The following THRB variants were observed in gnomAD, a reference collection of about 807,000 sequenced individuals.
The protein encoded by THRB is nuclear receptor subfamily 1 group A member 2.
Under a neutral mutation model 47.8 loss-of-function variants are expected in THRB, and 12 were observed. The ratio of observed to expected loss-of-function variants is 0.25; its 90% CI spans 0.16 to 0.41. THRB has a LOEUF of 0.41. Among genes scored for constraint, THRB ranks in the 10% least tolerant of loss-of-function variants. THRB has a pLI of 1.00. For synonymous variants in THRB, 218 were observed against 212.2 expected (o/e 1.03, Z -0.24); for missense variants, 348 against 589.2 (o/e 0.59, Z 4.24).
At chr3:24,289,827 A>G (rs561677560) in intron 3 of THRB, among the ~76,000 whole-genome samples, 61 of 152,322 alleles carry the variant, frequency 4.0e-4, no homozygotes, top group African/African-American at 1.3e-3. Flanking sequence ...AAAATTCATT[A>G]TATCTATATG....
chr3:24,183,662 G>T (rs113816522), intron 5 of THRB, among the ~76,000 whole-genome samples: 3,300 of 149,256 alleles, frequency 0.022, 77 homozygotes, highest in African/African-American at 0.057. Flanking sequence ...TGTGAGCGAC[G>T]GCGCCTGGCC....
At chr3:24,337,625 G>C (rs2062344864) in intron 1 of THRB, among the ~76,000 whole-genome samples, 1 of 152,190 alleles carries the variant, frequency 6.6e-6, no homozygotes, top group African/African-American at 2.4e-5. Context: ...GTGAATCTCA[G>C]AGATGTACAT....
chr3:24,259,526 G>A (rs1203305745), intron 3 of THRB, among the ~76,000 whole-genome samples: 1 of 149,984 alleles, frequency 6.7e-6, no homozygotes, highest in Non-Finnish European at 1.5e-5. Flanking sequence ...TGAAGGGTCA[G>A]AAAGAATTCA....
At chr3:24,435,718 C>T (rs1461032339) in intron 1 of THRB, among the ~76,000 whole-genome samples, 1 of 152,172 alleles carries the variant, frequency 6.6e-6, no homozygotes, top group African/African-American at 2.4e-5. Flanking sequence ...CCAAATCAGT[C>T]CCCAAAGTAT....
At chr3:24,346,733 G>A (rs982686749) in intron 1 of THRB, among the ~76,000 whole-genome samples, 9 of 152,024 alleles carry the variant, frequency 5.9e-5, no homozygotes, top group South Asian at 2.1e-4. Flanking sequence ...AGATATGAGC[G>A]CTAAATCTGA....
chr3:24,164,179 C>A (rs910038447), intron 5 of THRB, among the ~76,000 whole-genome samples: 1 of 152,148 alleles, frequency 6.6e-6, no homozygotes, highest in Non-Finnish European at 1.5e-5. Context: ...ACTTAATGTT[C>A]TACCTGTTTG....
At chr3:24,250,148 T>C (rs1451035794) in intron 3 of THRB, among the ~76,000 whole-genome samples, 2 of 152,204 alleles carry the variant, frequency 1.3e-5, no homozygotes, top group Non-Finnish European at 2.9e-5. Flanking sequence ...CAAGCACATA[T>C]ATCCTCATGT....
intron 1 of THRB, among the ~76,000 whole-genome samples, chr3:24,339,565 G>GTC (rs2062491983): frequency 6.6e-6 from 1 of 152,100 alleles, no homozygotes; most frequent in African/African-American, 2.4e-5. Flanking sequence ...ATGAAACACT[G>GTC]TCACTGAGGT....
intron 1 of THRB, among the ~76,000 whole-genome samples, chr3:24,471,168 C>T (rs566721942): frequency 2.6e-5 from 4 of 152,268 alleles, no homozygotes; most frequent in Non-Finnish European, 2.9e-5. Context: ...AATTGTTCTT[C>T]TAATGCAGTG....
intron 3 of THRB, among the ~76,000 whole-genome samples, chr3:24,238,963 A>G (rs956982227): frequency 1.4e-5 from 2 of 147,668 alleles, no homozygotes; most frequent in African/African-American, 5.0e-5. Context: ...TTTTTTTGAG[A>G]CAGAGTCTTG....
intron 5 of THRB, 95 bp downstream of exon 5, chr3:24,189,979 T>C (rs745748689): frequency 6.4e-6 from 8 of 1,251,214 alleles, no homozygotes; most frequent in South Asian, 6.1e-5. Context: ...ACACCATACA[T>C]TGGAAGAGAA....
chr3:24,275,676 A>C (rs2053847401), intron 3 of THRB, among the ~76,000 whole-genome samples: 1 of 152,196 alleles, frequency 6.6e-6, no homozygotes. Context: ...AGAGCCATCC[A>C]ACTCTGGTTT....
chr3:24,451,667 C>A (rs937777277), intron 1 of THRB, among the ~76,000 whole-genome samples: 1 of 152,228 alleles, frequency 6.6e-6, no homozygotes, highest in African/African-American at 2.4e-5. Flanking sequence ...CCTTATAAAG[C>A]AAATAGCTCC....
chr3:24,201,764 T>C (rs1448517787), intron 4 of THRB, among the ~76,000 whole-genome samples: 1 of 152,192 alleles, frequency 6.6e-6, no homozygotes, highest in Non-Finnish European at 1.5e-5. Context: ...AGTGGTTAGT[T>C]TGGTAAATTT....
chr3:24,261,520 C>CAAA (rs1207008580), intron 3 of THRB, among the ~76,000 whole-genome samples: 10 of 119,558 alleles, frequency 8.4e-5, no homozygotes, highest in South Asian at 7.7e-4. Context: ...AAAAAAAAAC[C>CAAA]AAAAAAAACT....
At chr3:24,441,872 T>G (rs894898873) in intron 1 of THRB, among the ~76,000 whole-genome samples, 11 of 152,056 alleles carry the variant, frequency 7.2e-5, no homozygotes, top group Non-Finnish European at 1.6e-4. Flanking sequence ...GCCCCTTCCC[T>G]GTAAGTTGCT....
At chr3:24,212,411 A>G (rs1304391972) in intron 4 of THRB, among the ~76,000 whole-genome samples, 1 of 150,272 alleles carries the variant, frequency 6.7e-6, no homozygotes, top group African/African-American at 2.5e-5. Flanking sequence ...ACAACAAAAT[A>G]AAACAAAAAA....
At position 24,447,964 on chromosome 3, in the gene THRB, T is replaced by C. The variant is rs189123517; in HGVS notation, c.-261+46688A>G. On this transcript the variant is annotated intron_variant, in intron 1 of 10. Coordinates refer to ENST00000646209, the MANE Select transcript of THRB (RefSeq NM_001354712.2). The stretch of plus-strand genomic sequence containing the variant: ...TCACGACCACTTCATTTGGTAATTA[T>C]TTATGAAGTACCTTCCTGCCCTTGA... 6.0e-3 allele frequency among the ~76,000 whole-genome samples: 920 copies of C among 152,216 alleles called. 7 individuals are homozygous for C. The highest frequency in any genetic ancestry group is 9.9e-3 in the Admixed American group (151 of 15,296).
At position 24,466,166 on chromosome 3, in the gene THRB, A is replaced by AT. The variant is rs1337051864; in HGVS notation, c.-261+28485dup. Among the ~76,000 whole-genome samples the AT allele has an allele frequency of 3.0e-3, 450 of 150,106 alleles. 7 individuals are homozygous for AT. The highest frequency in any genetic ancestry group is 4.4e-3 in the Admixed American group (67 of 15,092). ...GTTTGTAAATGACTTCCTTCTTTCTATTTTTTTTTCTGTTCTCCCTTCCTG... is the reference window on the plus strand; with the variant it reads ...GTTTGTAAATGACTTCCTTCTTTCTATTTTTTTTTTCTGTTCTCCCTTCCTG... On this transcript the variant is annotated intron_variant, in intron 1 of 10. Transcript: ENST00000646209.
Sources: allele counts gnomAD v4.1 joint callset (sites outside exome capture counted in the v4.1 genomes callset), GRCh38; gene constraint gnomAD v4.1.1; transcripts MANE v1.5; gene names NCBI Gene and HGNC (gene_info 2026-07-23, HGNC 2026-07-21).